The following SYNE2 variants were observed in gnomAD, a reference collection of about 807,000 sequenced individuals.
SYNE2 encodes the protein spectrin repeat containing nuclear envelope protein 2.
In SYNE2, 431 loss-of-function variants were observed where a neutral mutation model predicts 856.3. The ratio of observed to expected loss-of-function variants is 0.50; its 90% CI spans 0.47 to 0.55. The LOEUF (loss-of-function observed/expected upper bound fraction) is 0.55, where lower values mean the gene tolerates loss of function less well. Ranked by LOEUF, SYNE2 falls within the 20% of genes least tolerant of loss-of-function variation. The pLI, the probability that SYNE2 is intolerant of heterozygous loss-of-function variation, is 0.00. For missense variants in SYNE2, 8,129 were observed against 8,023.2 expected (o/e 1.01, Z -0.50); for synonymous variants, 2,923 against 2,872.3 (o/e 1.02, Z -0.56).
intron 1 of SYNE2, among the ~76,000 whole-genome samples, chr14:63,817,836 C>A (rs1052174774): frequency 6.6e-6 from 1 of 150,546 alleles, no homozygotes; most frequent in Non-Finnish European, 1.5e-5. Context: ...TCAGCTTGGG[C>A]AACACAGGGA....
chr14:64,089,806 C>A, intron 59 of SYNE2, 110 bp downstream of exon 59: 1 of 925,260 alleles, frequency 1.1e-6, no homozygotes, highest in Non-Finnish European at 1.6e-6. Flanking sequence ...AGAGTAATAG[C>A]AAAATAAGGT....
chr14:64,021,239 T>A (rs2096933758), intron 35 of SYNE2, 76 bp from the exon 36 acceptor site: 2 of 1,138,916 alleles, frequency 1.8e-6, no homozygotes, highest in East Asian at 4.8e-5. Context: ...TCTCAACCCA[T>A]TCTCTAGCAA....
chr14:63,889,435 G>A (rs1055994955), intron 1 of SYNE2, among the ~76,000 whole-genome samples: 1 of 151,922 alleles, frequency 6.6e-6, no homozygotes, highest in Non-Finnish European at 1.5e-5. Context: ...TATTATTAAA[G>A]TATAATTAAT....
rs114638333 is a variant in SYNE2 at position 64,111,377 on chromosome 14, C to A, written c.12610-1964C>A. Reference sequence around the variant, plus strand: ...AAAAAAGGAAAGGGAATTCCAAAATCTTTGTCTGTAGCAATATCTGAAAAC... The same window carrying A: ...AAAAAAGGAAAGGGAATTCCAAAATATTTGTCTGTAGCAATATCTGAAAAC... On this transcript the variant is annotated intron_variant, in intron 65 of 115. Coordinates refer to ENST00000555002, the MANE Select transcript of SYNE2 (RefSeq NM_182914.3). Among the ~76,000 whole-genome samples the A allele has an allele frequency of 1.7e-3, 259 of 152,202 alleles. 1 individual carries two copies. Among genetic ancestry groups the A allele is most frequent in the African/African-American group, 5.8e-3 (242 of 41,530 alleles).
chr14:64,142,220 G>A (rs2153693050), intron 82 of SYNE2, 132 bp downstream of exon 82: 11 of 1,044,214 alleles, frequency 1.1e-5, no homozygotes, highest in Non-Finnish European at 1.4e-5. Context: ...CTGGGGTGGT[G>A]GATGATTCTG....
At chr14:63,943,935 C>G (rs2095971451) in intron 6 of SYNE2, among the ~76,000 whole-genome samples, 1 of 151,996 alleles carries the variant, frequency 6.6e-6, no homozygotes, top group Non-Finnish European at 1.5e-5. Context: ...TCCAAAAGTG[C>G]TGGGATTACA....
chr14:64,084,406 CCTTTCACCT>C (rs2097545043), intron 57 of SYNE2: 1 of 152,408 alleles, frequency 6.6e-6, no homozygotes, highest in Non-Finnish European at 1.5e-5. Context: ...CAGTCAATCC[CCTTTCACCT>C]GTCTTCAACC....
chr14:63,950,313 G>A (rs1269653696), intron 7 of SYNE2, among the ~76,000 whole-genome samples: 3 of 152,158 alleles, frequency 2.0e-5, no homozygotes, highest in African/African-American at 4.8e-5. Flanking sequence ...CAGCACTTTG[G>A]GAGGCTGAGG....
At chr14:64,139,494 C>A (rs1366447527) in intron 79 of SYNE2, among the ~76,000 whole-genome samples, 1 of 152,048 alleles carries the variant, frequency 6.6e-6, no homozygotes, top group African/African-American at 2.4e-5. Context: ...TCACTGCAAC[C>A]TCCACCTCTT....
Position 63,765,608 on chromosome 14 carries a change from C to T in SYNE2, c.-305+3622C>T, listed in dbSNP as rs758346174. ...TCCTGACCTCATGATCCGCCTGCCT[C>T]GGCCTCCCAGAGTGCTGGGATTACA... On this transcript the variant is annotated intron_variant, in intron 1 of 23. Transcript: ENST00000674003. Among the ~76,000 whole-genome samples the T allele has an allele frequency of 2.6e-5, 4 of 152,106 alleles. No individual in the cohort carries two copies. The East Asian group carries it at 5.8e-4, about 22-fold the overall frequency.
At chr14:64,190,879 C>G (rs1361189626) in intron 99 of SYNE2, 1 of 693,434 alleles carries the variant, frequency 1.4e-6, no homozygotes, top group Non-Finnish European at 2.7e-6. Flanking sequence ...TGATGATGCC[C>G]AAAATTTTTA....
intron 62 of SYNE2, 94 bp from the exon 63 acceptor site, chr14:64,098,653 A>G: frequency 7.5e-7 from 1 of 1,339,580 alleles, no homozygotes; most frequent in African/African-American, 1.4e-5. Context: ...TAAAGTAAGT[A>G]AAAAATTAGC....
chr14:64,005,054 G>C (rs759587322), intron 30 of SYNE2, among the ~76,000 whole-genome samples: 1 of 152,210 alleles, frequency 6.6e-6, no homozygotes, highest in Non-Finnish European at 1.5e-5. Context: ...GTAGGTACAA[G>C]GGTCGGGTGT....
chr14:64,076,406 C>A lies in SYNE2; in HGVS notation c.11022+306C>A, dbSNP rs1445499955. Among the ~76,000 whole-genome samples, 3 of 152,086 alleles carry A rather than the reference C, an allele frequency of 2.0e-5. No homozygotes were observed. In the East Asian group the frequency reaches 5.8e-4, roughly 29 times the overall value. On this transcript the variant is annotated intron_variant, in intron 54 of 115. Coordinates refer to ENST00000555002, the MANE Select transcript of SYNE2 (RefSeq NM_182914.3). ...TTGCTTTTGTACAACCACTGTACAA[C>A]CACTTGAACATTTTGGATGTTAATA...
intron 2 of SYNE2, among the ~76,000 whole-genome samples, chr14:63,926,854 A>G (rs997077055): frequency 1.3e-5 from 2 of 152,230 alleles, no homozygotes; most frequent in African/African-American, 2.4e-5. Flanking sequence ...CCATGACTCT[A>G]TGAAAGCAAA....
chr14:63,963,765 T>C, intron 9 of SYNE2, 134 bp from the exon 10 acceptor site: 1 of 681,756 alleles, frequency 1.5e-6, no homozygotes, highest in Admixed American at 2.3e-5. Context: ...ACAAGTGAAA[T>C]TACTCTTTGG....
chr14:64,143,737 A>T (rs1324997753), intron 82 of SYNE2, 35 bp from the exon 83 acceptor site: 1 of 1,612,000 alleles, frequency 6.2e-7, no homozygotes, highest in South Asian at 1.1e-5. Flanking sequence ...ACCAACATTC[A>T]TGACTGCTTT....
rs777023743 is a variant in SYNE2, at chr14:64,210,014, C to A, written c.18613C>A (p.Arg6205=). ...LINKQYRRLA[R]ENRTDTASRL... is the part of the protein sequence containing the mutation. ...CAACAAGCAGTACCGGCGGCTGGCC[C>A]GGGAGAACCGCACAGACACGGCCAG... Residue 6205 remains arginine, a synonymous_variant, in exon 103 of 116, where the codon CGG becomes AGG. Coordinates refer to ENST00000555002, the MANE Select transcript of SYNE2 (RefSeq NM_182914.3). 2 of 1,614,084 alleles carry A rather than the reference C, an allele frequency of 1.2e-6. No homozygotes were observed. The highest frequency in any genetic ancestry group is 1.1e-5 in the South Asian group (1 of 91,078).
In SYNE2 at chr14:63,881,148, A is replaced by AT. The variant is rs550090815; in HGVS notation, c.-51-27939dup. ...CAGGTGTGAGCCACTGTGCCCGGCAATTTTTTTTTTTGTAGAGACAGGTTT... is the reference window on the plus strand; with the variant it reads ...CAGGTGTGAGCCACTGTGCCCGGCAATTTTTTTTTTTTGTAGAGACAGGTTT... On this transcript the variant is annotated intron_variant, in intron 1 of 115. Transcript: ENST00000555002. Among the ~76,000 whole-genome samples the AT allele has an allele frequency of 1.1e-3, 166 of 144,880 alleles. 1 individual carries two copies. The highest frequency in any genetic ancestry group is 7.2e-3 in the Middle Eastern group (2 of 278).
Sources: allele counts gnomAD v4.1 joint callset (sites outside exome capture counted in the v4.1 genomes callset), GRCh38; gene constraint gnomAD v4.1.1; transcripts MANE v1.5; gene names NCBI Gene and HGNC (gene_info 2026-07-23, HGNC 2026-07-21).